Variants in POT1 observed in about 807,000 individuals in gnomAD.
POT1 encodes the protein protection of telomeres 1.
In POT1, 47 loss-of-function variants were observed where a neutral mutation model predicts 78.5. The observed-to-expected ratio is 0.60, with a 90% CI of 0.47 to 0.76. POT1 has a LOEUF of 0.76. Ranked by LOEUF, POT1 falls within the 30% of genes least tolerant of loss-of-function variation. The pLI, the probability that POT1 is intolerant of heterozygous loss-of-function variation, is 0.00. For synonymous variants in POT1, 259 were observed against 260.7 expected (o/e 0.99, Z 0.06); for missense variants, 646 against 749.9 (o/e 0.86, Z 1.62).
Position 124,891,590 on chromosome 7 carries a change from T to A in POT1, c.124+676A>T, listed in dbSNP as rs1164332885. Among the ~76,000 whole-genome samples, 8 of 151,634 alleles carry A rather than the reference T, an allele frequency of 5.3e-5. No homozygotes were observed. The Admixed American group carries it at 5.3e-4, about 10-fold the overall frequency. On this transcript the variant is annotated intron_variant, in intron 6 of 18. Transcript: ENST00000357628. ...TTCTATCTGTCTTGTGACACTCAAT[T>A]CCCTATTTTCTTCTCTTGCTATCTT...
intron 6 of POT1, among the ~76,000 whole-genome samples, chr7:124,884,752 C>T (rs904269785): frequency 1.3e-5 from 2 of 152,112 alleles, no homozygotes; most frequent in African/African-American, 4.8e-5. Flanking sequence ...TTCCTATTTG[C>T]TCACGTTGTG....
intron 14 of POT1, chr7:124,840,754 G>T: frequency 2.7e-6 from 1 of 364,706 alleles, no homozygotes; most frequent in Non-Finnish European, 5.0e-6. Context: ...GTTAACACTT[G>T]AGTCTGAAGT....
chr7:124,851,924 G>A lies in POT1; in HGVS notation c.897C>T (p.Ala299=). Residue 299 remains alanine, a synonymous_variant, in exon 11 of 19, where the codon GCC becomes GCT. Coordinates refer to ENST00000357628, the MANE Select transcript of POT1 (RefSeq NM_015450.3). ...GACAGATAACATCTGAATGCTGATT[G>A]GCTGTCAAATTTGCAGATTCTAAAT... ...KKDLESANLT[A]NQHSDVICQS... The A allele has an allele frequency of 6.2e-7, 1 of 1,611,154 alleles. No homozygotes were observed. The highest frequency in any genetic ancestry group is 8.5e-7 in the Non-Finnish European group (1 of 1,177,716).
chr7:124,929,667 A>G (rs1797359900), intron 1 of POT1, 127 bp downstream of exon 1: 1 of 152,172 alleles, frequency 6.6e-6, no homozygotes. Context: ...CTCGAGATAA[A>G]CACTCGTAAG....
At chr7:124,869,913 A>G (rs1281055362) in intron 7 of POT1, among the ~76,000 whole-genome samples, 1 of 152,112 alleles carries the variant, frequency 6.6e-6, no homozygotes, top group Non-Finnish European at 1.5e-5. Flanking sequence ...TTATCTTTAC[A>G]CAAACATTCT....
chr7:124,895,112 C>T (rs1438914481), intron 5 of POT1, among the ~76,000 whole-genome samples: 1 of 151,558 alleles, frequency 6.6e-6, no homozygotes, highest in East Asian at 1.9e-4. Flanking sequence ...AGATAATCTT[C>T]TATGATAATG....
At chr7:124,852,411 T>G (rs1795333126) in intron 10 of POT1, among the ~76,000 whole-genome samples, 1 of 152,180 alleles carries the variant, frequency 6.6e-6, no homozygotes, top group Non-Finnish European at 1.5e-5. Context: ...TTTTTAAATT[T>G]CTAGAATATT....
intron 2 of POT1, among the ~76,000 whole-genome samples, chr7:124,928,358 A>G (rs1006062497): frequency 1.3e-5 from 2 of 152,202 alleles, no homozygotes; most frequent in African/African-American, 4.8e-5. Context: ...AGTAATATCC[A>G]AATTCCTCAA....
chr7:124,891,718 C>T (rs1371356251), intron 6 of POT1, among the ~76,000 whole-genome samples: 1 of 151,418 alleles, frequency 6.6e-6, no homozygotes, highest in Admixed American at 6.6e-5. Context: ...ATGGGGTTTA[C>T]ATAAAGTACC....
rs1486550341 is a variant in POT1 at position 124,824,127 on chromosome 7, ACT to A, written c.1793-55_1793-54del. On this transcript the variant is annotated intron_variant, in intron 18 of 18. Transcript: ENST00000357628. ...TTTAACCATTAAAACAAAATAAATA[ACT>A]CTGAAATAGGTACCTAAGCTTACCA... 2.7e-6 allele frequency: 3 copies of A among 1,108,454 alleles called. No individual in the cohort carries two copies. The East Asian group carries it at 7.6e-5, about 28-fold the overall frequency. 68.7% of individuals were successfully genotyped at this position (1,108,454 alleles called of 1,614,324 possible).
At chr7:124,852,508 A>G (rs1795334943) in intron 10 of POT1, among the ~76,000 whole-genome samples, 1 of 152,190 alleles carries the variant, frequency 6.6e-6, no homozygotes, top group South Asian at 2.1e-4. Flanking sequence ...GATACTATTT[A>G]CTTTCTGGCA....
At chr7:124,870,318 A>G (rs1204935834) in intron 7 of POT1, among the ~76,000 whole-genome samples, 2 of 152,146 alleles carry the variant, frequency 1.3e-5, no homozygotes, top group Admixed American at 6.5e-5. Flanking sequence ...TGTAAGTTCT[A>G]AAATTTTTTT....
rs150733739 is a variant in POT1, at chr7:124,924,392, T to C, written c.-227+4423A>G. 6.6e-5 allele frequency among the ~76,000 whole-genome samples: 10 copies of C among 152,018 alleles called. No homozygotes were observed. The East Asian group carries it at 9.6e-4, about 15-fold the overall frequency. On this transcript the variant is annotated intron_variant, in intron 2 of 18. Transcript: ENST00000357628. Reference sequence around the variant, plus strand: ...AGAAAACCAAGAGAAAATGGATAAATTGCTGGAAACATACAGCCTCCCAAG... The same window carrying C: ...AGAAAACCAAGAGAAAATGGATAAACTGCTGGAAACATACAGCCTCCCAAG...
At chr7:124,878,424 G>A (rs1796041058) in intron 6 of POT1, among the ~76,000 whole-genome samples, 1 of 152,056 alleles carries the variant, frequency 6.6e-6, no homozygotes, top group South Asian at 2.1e-4. Flanking sequence ...TGCACAGTGT[G>A]GTGACCATAC....
intron 14 of POT1, among the ~76,000 whole-genome samples, chr7:124,837,820 A>C (rs1173982988): frequency 2.0e-5 from 3 of 152,166 alleles, no homozygotes; most frequent in Non-Finnish European, 1.5e-5. Context: ...AGTATTTAAA[A>C]ATTGAATCAA....
chr7:124,864,821 TTAAA>T (rs1354418527), intron 7 of POT1, among the ~76,000 whole-genome samples: 4 of 152,192 alleles, frequency 2.6e-5, no homozygotes, highest in Admixed American at 2.0e-4. Context: ...TGGTTTTGCT[TTAAA>T]TAGACATTTC....
chr7:124,918,085 A>G (rs1398350017), intron 2 of POT1, among the ~76,000 whole-genome samples: 1 of 152,208 alleles, frequency 6.6e-6, no homozygotes, highest in Admixed American at 6.5e-5. Flanking sequence ...CAACTGCTCT[A>G]ACCATGAGCC....
rs1352216832 is a variant in POT1, at chr7:124,845,600, C to G, written c.1006+1342G>C. Among the ~76,000 whole-genome samples the G allele has an allele frequency of 2.0e-5, 3 of 152,110 alleles. No individual in the cohort carries two copies. In the East Asian group the frequency reaches 5.8e-4, roughly 29 times the overall value. Reference sequence around the variant, plus strand: ...CTTACTGTTTCCCCCTTGTATTTAACAAGAATATACTAGAGAAAATGTAAA... The same window carrying G: ...CTTACTGTTTCCCCCTTGTATTTAAGAAGAATATACTAGAGAAAATGTAAA... On this transcript the variant is annotated intron_variant, in intron 12 of 18. Transcript: ENST00000357628.
chr7:124,837,368 AC>A (rs1198289413), intron 14 of POT1, among the ~76,000 whole-genome samples: 8 of 152,188 alleles, frequency 5.3e-5, no homozygotes, highest in Admixed American at 4.6e-4. Context: ...TCAATTGGAA[AC>A]AATACAAAAT....
Sources: gnomAD v4.1 joint callset for allele counts (sites outside exome capture counted in the v4.1 genomes callset) on GRCh38, gnomAD v4.1.1 for gene constraint, MANE v1.5 for transcripts, NCBI Gene and HGNC (gene_info 2026-07-23, HGNC 2026-07-21) for gene names.